The following CFAP20DC variants were observed in gnomAD, a reference collection of about 807,000 sequenced individuals.
CFAP20DC encodes protein CFAP20DC.
In CFAP20DC, 84 loss-of-function variants were observed where a neutral mutation model predicts 101.7. The ratio of observed to expected loss-of-function variants is 0.83; its 90% CI spans 0.69 to 0.99. The LOEUF is 0.99. CFAP20DC is among the 50% of genes least tolerant of loss of function. The pLI, the probability that CFAP20DC is intolerant of heterozygous loss-of-function variation, is 0.00. For synonymous variants in CFAP20DC, 359 were observed against 351.2 expected, an observed-to-expected ratio of 1.02 and a Z score of -0.25; for missense variants, 1,007 against 970.3, an observed-to-expected ratio of 1.04 and a Z score of -0.50.
At position 58,816,062 on chromosome 3, in the gene CFAP20DC, T is replaced by C. The variant is rs569112431; in HGVS notation, c.2176-9606A>G. Among the ~76,000 whole-genome samples the C allele has an allele frequency of 8.7e-4, 132 of 151,918 alleles. 1 individual carries two copies. Among genetic ancestry groups the C allele is most frequent in the African/African-American group, 3.1e-3 (129 of 41,252 alleles). ...GCTGCTATAAAGACACATGCACACG[T>C]ATATTTATTGTGGCATTATTCACAA... On this transcript the variant is annotated intron_variant, in intron 14 of 16. Transcript: ENST00000482387.
intron 4 of CFAP20DC, among the ~76,000 whole-genome samples, chr3:59,025,819 T>G (rs534114530): frequency 1.2e-4 from 19 of 152,280 alleles, no homozygotes; most frequent in Admixed American, 4.6e-4. Context: ...CACTTCCAAA[T>G]ATTTGTATAT....
intron 4 of CFAP20DC, among the ~76,000 whole-genome samples, chr3:58,983,784 A>G (rs972640661): frequency 6.6e-6 from 1 of 152,176 alleles, no homozygotes; most frequent in African/African-American, 2.4e-5. Flanking sequence ...ACCCCATGGG[A>G]TATGTCCTTT....
At chr3:58,768,812 T>C (rs1458264589) in intron 15 of CFAP20DC, among the ~76,000 whole-genome samples, 1 of 152,230 alleles carries the variant, frequency 6.6e-6, no homozygotes, top group Non-Finnish European at 1.5e-5. Context: ...AATGGCCTAG[T>C]TGACTCTCTT....
intron 4 of CFAP20DC, chr3:59,018,812 A>G (rs1045961296): frequency 6.6e-6 from 1 of 152,134 alleles, no homozygotes; most frequent in African/African-American, 2.4e-5. Context: ...GGTTTTGAAA[A>G]TTGTACTGTG....
rs1440551276 is a variant in CFAP20DC, at chr3:58,869,353, T to C, written c.990A>G (p.Gln330=). ...EEQGNKENIH[Q]IKQTVPIHAA... ...CATGAATAGGTACAGTCTGCTTTAT[T>C]TGGTGAATATTTTCTTTATTTCCTT... is the stretch of plus-strand genomic sequence containing the variant. Residue 330 remains glutamine, a synonymous_variant, in exon 9 of 17, where the codon CAA becomes CAG. Coordinates refer to ENST00000482387, the MANE Select transcript of CFAP20DC (RefSeq NM_001394063.1). The surrounding 1 kb of genome is among the most constrained non-coding windows in gnomAD (Gnocchi z 4.3). 3.7e-6 allele frequency: 6 copies of C among 1,613,526 alleles called. No homozygotes were observed. Among genetic ancestry groups the C allele is most frequent in the Non-Finnish European group, 5.1e-6 (6 of 1,179,582 alleles).
Position 59,034,788 on chromosome 3 carries a change from G to C in CFAP20DC, c.278+4769C>G, listed in dbSNP as rs553743827. On this transcript the variant is annotated intron_variant, in intron 4 of 16. Coordinates refer to ENST00000482387, the MANE Select transcript of CFAP20DC (RefSeq NM_001394063.1). ...CTGTCAATATTAGACAGCTCAATGAGACAGAAAATTAACAAGGATATTTAG... is the reference window on the plus strand; with the variant it reads ...CTGTCAATATTAGACAGCTCAATGACACAGAAAATTAACAAGGATATTTAG... Among the ~76,000 whole-genome samples, 12 of 152,256 alleles carry C rather than the reference G, an allele frequency of 7.9e-5. No homozygotes were observed. The East Asian group carries it at 2.1e-3, about 27-fold the overall frequency.
intron 4 of CFAP20DC, among the ~76,000 whole-genome samples, chr3:59,026,306 G>A (rs2093891606): frequency 6.6e-6 from 1 of 152,072 alleles, no homozygotes; most frequent in African/African-American, 2.4e-5. Context: ...AGCTGCTACT[G>A]GCCATTGTTG....
intron 4 of CFAP20DC, among the ~76,000 whole-genome samples, chr3:58,980,535 G>T (rs1195451473): frequency 6.6e-6 from 1 of 152,188 alleles, no homozygotes; most frequent in Non-Finnish European, 1.5e-5. Flanking sequence ...TCCCTGGGAT[G>T]CAAGGCTGGT....
chr3:58,992,734 A>G (rs2092982597), intron 4 of CFAP20DC: 1 of 176,798 alleles, frequency 5.7e-6, no homozygotes, highest in African/African-American at 2.4e-5. Flanking sequence ...TATGTAATAT[A>G]TAAATAATTT....
At chr3:58,751,039 T>C (rs753244286) in intron 16 of CFAP20DC, among the ~76,000 whole-genome samples, 23 of 152,200 alleles carry the variant, frequency 1.5e-4, no homozygotes, top group Middle Eastern at 3.4e-3. Flanking sequence ...CCCACGCTTG[T>C]AATAAAAAAA....
At position 58,914,832 on chromosome 3, in the gene CFAP20DC, T is replaced by C. The variant is rs1268743256; in HGVS notation, c.394-968A>G. 6.6e-6 allele frequency: 1 copy of C among 152,086 alleles called. No homozygotes were observed. Among genetic ancestry groups the C allele is most frequent in the Non-Finnish European group, 1.5e-5 (1 of 68,008 alleles). The allele number at this position is 152,086 out of a possible 1,614,324, so 9.4% of individuals were successfully genotyped here. A position where few individuals can be genotyped will look rare whatever the true frequency, so the allele number is the denominator to read the frequency against. ...TTATTTATTAAATACATGAAGAGTATTTTCTATGTAGATGTCTCAACAGTA... is the reference window on the plus strand; with the variant it reads ...TTATTTATTAAATACATGAAGAGTACTTTCTATGTAGATGTCTCAACAGTA... On this transcript the variant is annotated intron_variant, in intron 5 of 16. Coordinates refer to ENST00000482387, the MANE Select transcript of CFAP20DC (RefSeq NM_001394063.1). The surrounding 1 kb of genome is among the most constrained non-coding windows in gnomAD (Gnocchi z 4.9).
rs1274075637 is a variant in CFAP20DC at position 58,721,631 on chromosome 3, G to A, written c.198-4003C>T. ...CCCTAAAGAGCAGTGTGGCTGGGGA[G>A]AGAAGAGCCATGTGGTCCAGACAAA... On this transcript the variant is annotated intron_variant, in intron 3 of 3. Transcript: ENST00000486145. This position sits in a 1 kb window ranked among gnomAD's most constrained non-coding sequence, Gnocchi z 5.2. Among the ~76,000 whole-genome samples the A allele has an allele frequency of 2.0e-5, 3 of 152,212 alleles. No homozygotes were observed. The highest frequency in any genetic ancestry group is 6.5e-5 in the Admixed American group (1 of 15,288).
chr3:58,805,728 C>T (rs1375551415), intron 15 of CFAP20DC, among the ~76,000 whole-genome samples: 4 of 152,140 alleles, frequency 2.6e-5, no homozygotes, highest in Non-Finnish European at 5.9e-5. Flanking sequence ...AGCTTATATA[C>T]TTATTTATCA....
At chr3:58,985,527 C>T (rs567420066) in intron 4 of CFAP20DC, among the ~76,000 whole-genome samples, 119 of 152,234 alleles carry the variant, frequency 7.8e-4, no homozygotes, top group Middle Eastern at 3.4e-3. Flanking sequence ...AAATCGGTGC[C>T]TATTTCTTCA....
chr3:58,893,011 A>G (rs973548955), intron 6 of CFAP20DC, among the ~76,000 whole-genome samples: 1 of 146,706 alleles, frequency 6.8e-6, no homozygotes, highest in Non-Finnish European at 1.5e-5. Context: ...TTTCTTCAAC[A>G]CCTGGTTTAT....
chr3:58,977,790 T>C (rs2092343788), intron 4 of CFAP20DC, among the ~76,000 whole-genome samples: 1 of 148,828 alleles, frequency 6.7e-6, no homozygotes, highest in Admixed American at 6.7e-5. Context: ...AAGGAGACAA[T>C]ATAAACTCAG....
Position 58,849,409 on chromosome 3 carries a change from C to G in CFAP20DC, c.1594G>C (p.Gly532Arg). ...CGAGAACCCTGGATACTGTGGTTAC[C>G]CTATGTTGGGGAACAAAGTAAAAAT... ...DFYGGDSSEE[G>R]NHSIQGSRGP... Residue 532 changes from glycine to arginine, a missense_variant and splice_region_variant, in exon 13 of 17, where the codon GGT becomes CGT. Transcript: ENST00000482387. The G allele has an allele frequency of 2.7e-6, 4 of 1,506,902 alleles. No individual in the cohort carries two copies. Among genetic ancestry groups the G allele is most frequent in the Non-Finnish European group, 3.5e-6 (4 of 1,135,428 alleles). 93.3% of individuals were successfully genotyped at this position (1,506,902 alleles called of 1,614,324 possible).
intron 14 of CFAP20DC, among the ~76,000 whole-genome samples, chr3:58,808,885 G>A (rs76160411): frequency 0.11 from 16,751 of 151,528 alleles, 1,631 homozygotes; most frequent in East Asian, 0.35. Flanking sequence ...CCAAGCAAAC[G>A]GAAAACAAAA....
At chr3:58,840,994 C>A (rs1448629264) in intron 13 of CFAP20DC, among the ~76,000 whole-genome samples, 1 of 152,214 alleles carries the variant, frequency 6.6e-6, no homozygotes, top group Non-Finnish European at 1.5e-5. Context: ...ACTTTTCAGT[C>A]ATGGAGAATG....
Sources: allele counts gnomAD v4.1 joint callset (sites outside exome capture counted in the v4.1 genomes callset), GRCh38; gene constraint gnomAD v4.1.1; non-coding constraint Gnocchi (gnomAD v3.1); transcripts MANE v1.5; gene names NCBI Gene and HGNC (gene_info 2026-07-23, HGNC 2026-07-21).